Variants in DNAH14 observed in about 807,000 individuals in gnomAD.
DNAH14 encodes dynein axonemal heavy chain 14.
A neutral mutation model predicts 520.9 loss-of-function variants in DNAH14; 478 were observed. The ratio of observed to expected loss-of-function variants is 0.92; its 90% confidence interval spans 0.85 to 0.99. DNAH14 has a LOEUF of 0.99. Ranked by LOEUF, DNAH14 falls within the 50% of genes least tolerant of loss-of-function variation. DNAH14 has a pLI of 0.00. For synonymous variants in DNAH14, 1,581 were observed against 1,757.2 expected (o/e 0.90, Z 2.51); for missense variants, 4,831 against 5,234.5 (o/e 0.92, Z 2.38).
chr1:224,963,983 C>T (rs993322954), intron 4 of DNAH14, among the ~76,000 whole-genome samples: 5 of 152,042 alleles, frequency 3.3e-5, no homozygotes, highest in East Asian at 1.9e-4. Context: ...AGGAGGACAA[C>T]CTGTATTGCA....
At chr1:225,241,476 G>T (rs1407495251) in intron 43 of DNAH14, among the ~76,000 whole-genome samples, 1 of 152,150 alleles carries the variant, frequency 6.6e-6, no homozygotes, top group African/African-American at 2.4e-5. Flanking sequence ...ACTTGTTTGA[G>T]GTTACAGTCA....
intron 27 of DNAH14, among the ~76,000 whole-genome samples, chr1:225,133,057 C>A (rs537304036): frequency 7.0e-4 from 107 of 152,108 alleles, no homozygotes; most frequent in Middle Eastern, 3.4e-3. Context: ...CCTTTGCCCA[C>A]TTTTTAATGG....
At chr1:224,956,282 T>G (rs1487642315) in intron 3 of DNAH14, among the ~76,000 whole-genome samples, 1 of 152,130 alleles carries the variant, frequency 6.6e-6, no homozygotes, top group Non-Finnish European at 1.5e-5. Context: ...CCATACTTTG[T>G]TTTTAGTAAT....
At chr1:224,941,317 C>A (rs1418507030) in intron 1 of DNAH14, among the ~76,000 whole-genome samples, 1 of 152,074 alleles carries the variant, frequency 6.6e-6, no homozygotes, top group African/African-American at 2.4e-5. Flanking sequence ...TAAATGTCTT[C>A]TTTTGAGAAG....
chr1:225,323,619 A>C (rs2094596006), intron 62 of DNAH14, among the ~76,000 whole-genome samples: 1 of 152,040 alleles, frequency 6.6e-6, no homozygotes, highest in Admixed American at 6.5e-5. Context: ...GCCTGCCACC[A>C]TGCCCAGCTA....
intron 80 of DNAH14, 80 bp downstream of exon 80, chr1:225,380,402 T>G: frequency 7.1e-7 from 1 of 1,418,152 alleles, no homozygotes; most frequent in South Asian, 1.5e-5. Context: ...AAGGTAAAGA[T>G]AAGACAAAAA....
intron 17 of DNAH14, among the ~76,000 whole-genome samples, chr1:225,064,914 T>C (rs2070667200): frequency 6.6e-6 from 1 of 152,000 alleles, no homozygotes; most frequent in Admixed American, 6.6e-5. Flanking sequence ...ACAAATTATG[T>C]TTCAGCACAA....
chr1:224,966,011 A>T (rs1189147356), intron 5 of DNAH14, among the ~76,000 whole-genome samples: 5 of 152,158 alleles, frequency 3.3e-5, no homozygotes, highest in Admixed American at 3.3e-4. Flanking sequence ...TTAATTATAT[A>T]TATGATCTAT....
chr1:225,370,860 T>TA (rs1040184383), intron 77 of DNAH14, among the ~76,000 whole-genome samples: 5 of 152,154 alleles, frequency 3.3e-5, no homozygotes, highest in Non-Finnish European at 7.4e-5. Flanking sequence ...CTTACAGCTA[T>TA]AAAAAATTGG....
chr1:225,281,965 TACAC>T (rs200558237), intron 54 of DNAH14, among the ~76,000 whole-genome samples: 4 of 149,632 alleles, frequency 2.7e-5, no homozygotes, highest in South Asian at 2.2e-4. Flanking sequence ...TTAATATTCA[TACAC>T]ACACACACAC....
At chr1:225,287,194 C>A (rs548178068) in intron 54 of DNAH14, among the ~76,000 whole-genome samples, 1 of 151,988 alleles carries the variant, frequency 6.6e-6, no homozygotes, top group Non-Finnish European at 1.5e-5. Context: ...AAAGAATGAG[C>A]CTTAATGTTT....
At chr1:225,063,158 T>A (rs896318292) in intron 17 of DNAH14, among the ~76,000 whole-genome samples, 3 of 152,074 alleles carry the variant, frequency 2.0e-5, no homozygotes, top group Non-Finnish European at 4.4e-5. Context: ...CTTAAAGAGA[T>A]GAAAAATACA....
intron 8 of DNAH14, among the ~76,000 whole-genome samples, chr1:224,995,526 G>C (rs1348011720): frequency 6.6e-6 from 1 of 151,846 alleles, no homozygotes; most frequent in Non-Finnish European, 1.5e-5. Flanking sequence ...GTGTGTTGTT[G>C]AACTCTGGGT....
Position 224,967,465 on chromosome 1 carries a change from G to T in DNAH14, c.533G>T (p.Cys178Phe). Residue 178 changes from cysteine (C) to phenylalanine (F), a missense_variant, in exon 6 of 86, where the codon TGC (cysteine) becomes TTC (phenylalanine). Physicochemically the swap from Cys to Phe is radical, Grantham distance 205. Transcript: ENST00000682510. The part of the protein sequence containing the change: ...PLEDDGEFVY[C>F]LPRKSPKSLY... ...GAAGATGATGGAGAATTTGTTTATT[G>T]CCTTCCTCGGAAAAGTCCTAAATCC... The T allele has an allele frequency of 1.3e-6, 2 of 1,569,406 alleles. No individual in the cohort carries two copies. Among genetic ancestry groups the T allele is most frequent in the Non-Finnish European group, 1.7e-6 (2 of 1,162,612 alleles).
At chr1:225,014,163 G>A (rs55876129) in intron 10 of DNAH14, among the ~76,000 whole-genome samples, 8,368 of 152,194 alleles carry the variant, frequency 0.055, 469 homozygotes, top group East Asian at 0.23. Context: ...GGATAGTCTT[G>A]TCCCTCATGG....
intron 17 of DNAH14, among the ~76,000 whole-genome samples, chr1:225,075,014 T>C (rs969337258): frequency 2.0e-5 from 3 of 152,196 alleles, no homozygotes; most frequent in African/African-American, 7.2e-5. Context: ...GCAGTTACTT[T>C]TGCTGGAAAG....
At chr1:225,341,844 A>C (rs1040860898) in intron 69 of DNAH14, among the ~76,000 whole-genome samples, 5 of 152,240 alleles carry the variant, frequency 3.3e-5, no homozygotes, top group African/African-American at 9.6e-5. Context: ...AGTTTATCTA[A>C]CAATGGACTG....
chr1:225,210,874 A>G (rs1346256428), intron 41 of DNAH14, among the ~76,000 whole-genome samples: 1 of 152,186 alleles, frequency 6.6e-6, no homozygotes, highest in African/African-American at 2.4e-5. Flanking sequence ...TCTGGAGTGG[A>G]CCTCTAGCAA....
chr1:225,124,411 G>A (rs139670913), intron 27 of DNAH14, among the ~76,000 whole-genome samples: 20 of 152,288 alleles, frequency 1.3e-4, no homozygotes, highest in East Asian at 9.6e-4. Context: ...AAACTCTGCC[G>A]CTGCTTTATC....
Sources: gnomAD v4.1 joint callset for allele counts (sites outside exome capture counted in the v4.1 genomes callset) on GRCh38, gnomAD v4.1.1 for gene constraint, MANE v1.5 for transcripts, NCBI Gene and HGNC (gene_info 2026-07-23, HGNC 2026-07-21) for gene names.